The following CCDC33 variants were observed in gnomAD, a reference collection of about 807,000 sequenced individuals.
CCDC33 encodes the protein coiled-coil domain-containing protein 33.
In CCDC33, 94 loss-of-function variants were observed where a neutral mutation model predicts 91.9. The observed-to-expected ratio is 1.02, with a 90% CI of 0.87 to 1.21. The LOEUF (loss-of-function observed/expected upper bound fraction) is 1.21. Among genes scored for constraint, CCDC33 ranks in the 50% most tolerant of loss-of-function variants. The pLI is 0.00. For synonymous variants in CCDC33, 396 were observed against 374.5 expected (o/e 1.06, Z -0.66); for missense variants, 940 against 935.5 (o/e 1.00, Z -0.06).
At chr15:74,231,077 GT>G in intron 2 of CCDC33, among the ~76,000 whole-genome samples, 1 of 152,180 alleles carries the variant, frequency 6.6e-6, no homozygotes, top group African/African-American at 2.4e-5. Context: ...CCCAGTAGCC[GT>G]TTACTGAGCT....
At chr15:74,205,763 G>A (rs1432338668) in intron 1 of CCDC33, among the ~76,000 whole-genome samples, 1 of 152,246 alleles carries the variant, frequency 6.6e-6, no homozygotes, top group East Asian at 1.9e-4. Flanking sequence ...CCCACGGAGA[G>A]CCCAGTGCCA....
chr15:74,207,746 T>C (rs2074293616), intron 1 of CCDC33: 2 of 1,535,212 alleles, frequency 1.3e-6, no homozygotes, highest in African/African-American at 1.4e-5. Context: ...GCCGAGAGAG[T>C]CAACCTCATG....
chr15:74,233,214 C>T (rs750723162), upstream of CCDC33, among the ~76,000 whole-genome samples: 12 of 152,232 alleles, frequency 7.9e-5, no homozygotes, highest in Non-Finnish European at 1.2e-4. Flanking sequence ...TGCAAGTTCA[C>T]TCCTGGTATG....
At chr15:74,247,267 C>T (rs924480462) in intron 2 of CCDC33, among the ~76,000 whole-genome samples, 5 of 151,854 alleles carry the variant, frequency 3.3e-5, no homozygotes, top group Non-Finnish European at 7.4e-5. Flanking sequence ...CAAGAGTACC[C>T]CTATATTCAT....
At chr15:74,237,911 C>A (rs1279528619) in intron 1 of CCDC33, among the ~76,000 whole-genome samples, 3 of 152,138 alleles carry the variant, frequency 2.0e-5, no homozygotes, top group African/African-American at 4.8e-5. Context: ...CTTGGCGAGG[C>A]CGAGGCAGGA....
chr15:74,207,260 C>T (rs934892973), intron 1 of CCDC33, among the ~76,000 whole-genome samples: 1 of 152,294 alleles, frequency 6.6e-6, no homozygotes. Context: ...CCAGCAGCAT[C>T]CCCAGAACCT....
chr15:74,321,135 C>A (rs1445114171), intron 11 of CCDC33, among the ~76,000 whole-genome samples: 1 of 152,232 alleles, frequency 6.6e-6, no homozygotes, highest in Non-Finnish European at 1.5e-5. Context: ...CAGAACTGGG[C>A]TTTTGCTCCC....
intron 1 of CCDC33, among the ~76,000 whole-genome samples, chr15:74,240,793 A>G (rs906113943): frequency 6.6e-6 from 1 of 152,140 alleles, no homozygotes. Flanking sequence ...GGGTTTCACC[A>G]TGTTGGCCCG....
chr15:74,279,520 GTTTATTTA>G (rs528416631), intron 7 of CCDC33, among the ~76,000 whole-genome samples: 2 of 152,046 alleles, frequency 1.3e-5, no homozygotes, highest in African/African-American at 4.8e-5. Flanking sequence ...GCATTTATTT[GTTTATTTA>G]TTTATTTATT....
intron 18 of CCDC33, 30 bp downstream of exon 18, chr15:74,335,118 G>A: frequency 1.3e-6 from 2 of 1,544,264 alleles, no homozygotes; most frequent in Non-Finnish European, 1.8e-6. Context: ...TAGCTCCCAG[G>A]GGTTCAGGTG....
At chr15:74,329,776 A>T (rs2060387398) in intron 11 of CCDC33, among the ~76,000 whole-genome samples, 1 of 152,192 alleles carries the variant, frequency 6.6e-6, no homozygotes, top group Non-Finnish European at 1.5e-5. Context: ...GTTCTCAGTG[A>T]CGTGAGGAAT....
intron 7 of CCDC33, among the ~76,000 whole-genome samples, chr15:74,274,602 C>T (rs893206853): frequency 1.2e-4 from 18 of 152,228 alleles, no homozygotes; most frequent in African/African-American, 4.3e-4. Context: ...CAAACCCAAA[C>T]CAATCCTTTG....
chr15:74,224,632 G>C lies in CCDC33; in HGVS notation c.675+5771G>C, dbSNP rs190449891. 9.8e-5 allele frequency among the ~76,000 whole-genome samples: 15 copies of C among 152,304 alleles called. No individual in the cohort carries two copies. In the East Asian group the frequency reaches 1.7e-3, roughly 18 times the overall value. On this transcript the variant is annotated intron_variant, in intron 2 of 2. Coordinates refer to the CCDC33 transcript ENST00000635913. ...TGGGCTCTGGCATTGATTTAGCAGC[G>C]TTTGACCTGGTGCAGGTTATATAAC... is the stretch of plus-strand genomic sequence containing the variant.
chr15:74,325,099 T>A (rs560018486), intron 11 of CCDC33, among the ~76,000 whole-genome samples: 1 of 152,010 alleles, frequency 6.6e-6, no homozygotes, highest in Admixed American at 6.5e-5. Flanking sequence ...GAGTCCTCCT[T>A]GGTCTGCCTC....
At chr15:74,259,700 T>C (rs1439176332) in intron 2 of CCDC33, among the ~76,000 whole-genome samples, 1 of 152,188 alleles carries the variant, frequency 6.6e-6, no homozygotes, top group Non-Finnish European at 1.5e-5. Context: ...ACCCACCTCT[T>C]TGCACCTGGG....
chr15:74,330,668 A>C lies in CCDC33; in HGVS notation c.1462A>C (p.Met488Leu), dbSNP rs751880673. The C allele has an allele frequency of 4.3e-5, 69 of 1,613,104 alleles. No homozygotes were observed. Among genetic ancestry groups the C allele is most frequent in the Non-Finnish European group, 5.6e-5 (66 of 1,179,756 alleles). Residue 488 changes from methionine (M) to leucine (L), a missense_variant, in exon 13 of 19, where the codon ATG becomes CTG. Met to Leu is a conservative substitution (Grantham distance 15, BLOSUM62 2). Coordinates refer to ENST00000398814, the MANE Select transcript of CCDC33 (RefSeq NM_025055.5). ...CTCCCCAACCCACCTAACAGTGTCC[A>C]TGAAGCAGAAACTGCTGCTGAGTGA... is the stretch of plus-strand genomic sequence containing the variant. ...KASEAQNTVS[M>L]KQKLLLSELD...
intron 11 of CCDC33, among the ~76,000 whole-genome samples, chr15:74,306,937 C>T (rs568346683): frequency 1.3e-5 from 2 of 152,324 alleles, no homozygotes; most frequent in South Asian, 2.1e-4. Flanking sequence ...CCTGGGCCTC[C>T]GTCTCCCCTC....
At chr15:74,264,035 C>T (rs972386131) in intron 3 of CCDC33, among the ~76,000 whole-genome samples, 1 of 152,202 alleles carries the variant, frequency 6.6e-6, no homozygotes, top group African/African-American at 2.4e-5. Flanking sequence ...GTCAGTGACC[C>T]CAGGGCCCAT....
At chr15:74,299,184 T>C (rs1484268867) in intron 11 of CCDC33, among the ~76,000 whole-genome samples, 3 of 152,232 alleles carry the variant, frequency 2.0e-5, no homozygotes, top group Non-Finnish European at 4.4e-5. Context: ...CACTCAAGCA[T>C]GCCCACCCTG....
Sources: gnomAD v4.1 joint callset for allele counts (sites outside exome capture counted in the v4.1 genomes callset) on GRCh38, gnomAD v4.1.1 for gene constraint, MANE v1.5 for transcripts, NCBI Gene and HGNC (gene_info 2026-07-23, HGNC 2026-07-21) for gene names.